CA10: variants seen among roughly 807,000 people sequenced by gnomAD.
The protein encoded by CA10 is carbonic anhydrase-related protein 10.
CA10 carries 14 observed loss-of-function variants against 44.2 expected under a neutral mutation model. The observed-to-expected ratio is 0.32, with a 90% CI of 0.21 to 0.50. CA10 has a LOEUF of 0.50. Among genes scored for constraint, CA10 ranks in the 20% least tolerant of loss-of-function variants. The probability of loss-of-function intolerance (pLI) is 0.99; values close to 1 mark genes in which losing one functional copy is unlikely to be tolerated. For synonymous variants in CA10, 159 were observed against 141.6 expected (o/e 1.12, Z -0.87); for missense variants, 350 against 409.7 (o/e 0.85, Z 1.26).
At chr17:51,959,209 C>G (rs199741581) in intron 2 of CA10, among the ~76,000 whole-genome samples, 1 of 122,296 alleles carries the variant, frequency 8.2e-6, no homozygotes, top group African/African-American at 3.0e-5. Flanking sequence ...GGAAGACATT[C>G]TTTTTTTTTT....
chr17:51,744,578 ACTT>A, intron 4 of CA10, among the ~76,000 whole-genome samples: 1 of 152,162 alleles, frequency 6.6e-6, no homozygotes, highest in Admixed American at 6.5e-5. Flanking sequence ...CTACCACTGT[ACTT>A]CAGCCTGGGT....
At chr17:52,149,356 C>G (rs1989654697) in intron 1 of CA10, among the ~76,000 whole-genome samples, 1 of 152,236 alleles carries the variant, frequency 6.6e-6, no homozygotes, top group African/African-American at 2.4e-5. Flanking sequence ...CATTTGTATG[C>G]TGTGTCCTTC....
chr17:52,012,303 C>A (rs1425475027), intron 2 of CA10, among the ~76,000 whole-genome samples: 1 of 151,932 alleles, frequency 6.6e-6, no homozygotes, highest in Admixed American at 6.6e-5. Flanking sequence ...TTTGGAGACA[C>A]TGAGTCACTT....
At chr17:52,028,326 C>T (rs529209348) in intron 2 of CA10, among the ~76,000 whole-genome samples, 5 of 152,258 alleles carry the variant, frequency 3.3e-5, no homozygotes, top group African/African-American at 1.2e-4. Flanking sequence ...CAAACCTATT[C>T]TATGCAAATC....
At chr17:51,756,960 T>C (rs1333474502) in intron 3 of CA10, among the ~76,000 whole-genome samples, 2 of 152,138 alleles carry the variant, frequency 1.3e-5, no homozygotes, top group Non-Finnish European at 2.9e-5. Flanking sequence ...CTGCCTCTCC[T>C]AGTGTTGGCT....
intron 2 of CA10, 66 bp downstream of exon 2, chr17:52,072,253 G>T: frequency 8.6e-7 from 1 of 1,156,500 alleles, no homozygotes. Flanking sequence ...TAAAATCCTG[G>T]AAATAATGCT....
intron 1 of CA10, among the ~76,000 whole-genome samples, chr17:52,083,802 G>A (rs1238890993): frequency 2.0e-5 from 3 of 151,436 alleles, no homozygotes; most frequent in East Asian, 1.9e-4. Context: ...TTTTCTTTAC[G>A]CACTTACCCA....
At chr17:51,837,818 G>C (rs1267492936) in intron 3 of CA10, among the ~76,000 whole-genome samples, 1 of 152,148 alleles carries the variant, frequency 6.6e-6, no homozygotes, top group Non-Finnish European at 1.5e-5. Context: ...AGGTCCATGG[G>C]AGGCTAGATA....
chr17:52,040,082 A>G (rs1331457925), intron 2 of CA10, among the ~76,000 whole-genome samples: 2 of 151,960 alleles, frequency 1.3e-5, no homozygotes, highest in Non-Finnish European at 2.9e-5. Flanking sequence ...TGGAGATGAT[A>G]TAGCTGGGAA....
chr17:51,923,421 C>T (rs2143976790), intron 3 of CA10, among the ~76,000 whole-genome samples: 1 of 152,276 alleles, frequency 6.6e-6, no homozygotes. Flanking sequence ...AACATTAATG[C>T]CAAGATGATT....
At chr17:51,943,711 A>G (rs1163082522) in intron 2 of CA10, among the ~76,000 whole-genome samples, 1 of 152,300 alleles carries the variant, frequency 6.6e-6, no homozygotes, top group East Asian at 1.9e-4. Context: ...GATTTGCATT[A>G]TTTAACAAGC....
At chr17:51,998,640 A>T (rs919103158) in intron 2 of CA10, among the ~76,000 whole-genome samples, 5 of 151,964 alleles carry the variant, frequency 3.3e-5, no homozygotes, top group Non-Finnish European at 5.9e-5. Flanking sequence ...ATTTATATTT[A>T]TTTGTCCTAA....
At chr17:52,087,793 G>T (rs914326694) in intron 1 of CA10, among the ~76,000 whole-genome samples, 1 of 152,172 alleles carries the variant, frequency 6.6e-6, no homozygotes, top group East Asian at 1.9e-4. Context: ...GGAGATTTAA[G>T]ACAGTGTTTT....
intron 4 of CA10, among the ~76,000 whole-genome samples, chr17:51,697,680 G>A (rs1915448570): frequency 6.6e-6 from 1 of 152,262 alleles, no homozygotes; most frequent in African/African-American, 2.4e-5. Flanking sequence ...TTTTACACTG[G>A]TTTATCCCCA....
At chr17:51,850,951 TCA>T (rs1479439124) in intron 3 of CA10, among the ~76,000 whole-genome samples, 2 of 152,146 alleles carry the variant, frequency 1.3e-5, no homozygotes, top group East Asian at 1.9e-4. Flanking sequence ...CTTTGGGAAT[TCA>T]CAGTTTAAAG....
chr17:52,133,413 T>C (rs1989284946), intron 1 of CA10, among the ~76,000 whole-genome samples: 1 of 151,938 alleles, frequency 6.6e-6, no homozygotes, highest in African/African-American at 2.4e-5. Flanking sequence ...AGATCCGCAA[T>C]GCAGAGTTTA....
At chr17:51,794,850 A>G (rs1346789813) in intron 3 of CA10, among the ~76,000 whole-genome samples, 1 of 152,250 alleles carries the variant, frequency 6.6e-6, no homozygotes, top group Non-Finnish European at 1.5e-5. Flanking sequence ...AAGATACTTG[A>G]GGATTTTCAA....
At chr17:51,780,768 A>G (rs1390432508) in intron 3 of CA10, among the ~76,000 whole-genome samples, 3 of 152,160 alleles carry the variant, frequency 2.0e-5, no homozygotes, top group African/African-American at 7.2e-5. Context: ...GGTGAAAGAA[A>G]TGGCACACCT....
At chr17:51,796,196 C>T (rs189370544) in intron 3 of CA10, among the ~76,000 whole-genome samples, 8 of 152,218 alleles carry the variant, frequency 5.3e-5, no homozygotes, top group Non-Finnish European at 1.2e-4. Context: ...AAGCATTGTA[C>T]AGAGTCTGTG....
Sources: gnomAD v4.1 joint callset for allele counts (sites outside exome capture counted in the v4.1 genomes callset) on GRCh38, gnomAD v4.1.1 for gene constraint, MANE v1.5 for transcripts, NCBI Gene and HGNC (gene_info 2026-07-23, HGNC 2026-07-21) for gene names.